The following LRRC4C variants were observed in gnomAD, a reference collection of about 807,000 sequenced individuals.
LRRC4C encodes the protein leucine-rich repeat-containing protein 4C.
LRRC4C carries 5 observed loss-of-function variants against 33.6 expected under a neutral mutation model. The observed-to-expected ratio is 0.15, with a 90% CI of 0.08 to 0.31. The LOEUF (loss-of-function observed/expected upper bound fraction) is 0.31, where lower values mean the gene tolerates loss of function less well. Ranked by LOEUF, LRRC4C falls within the 10% of genes least tolerant of loss-of-function variation. The pLI is 1.00. For synonymous variants in LRRC4C, 329 were observed against 302.0 expected (o/e 1.09, Z -0.93); for missense variants, 560 against 796.7 (o/e 0.70, Z 3.58).
At chr11:40,639,304 C>T (rs1033932541) in intron 3 of LRRC4C, among the ~76,000 whole-genome samples, 10 of 152,200 alleles carry the variant, frequency 6.6e-5, no homozygotes, top group African/African-American at 2.4e-4. Flanking sequence ...AGCCCCCTTG[C>T]ACTGGCCTGC....
intron 3 of LRRC4C, among the ~76,000 whole-genome samples, chr11:40,524,668 A>G (rs1189785114): frequency 6.6e-6 from 1 of 152,206 alleles, no homozygotes; most frequent in East Asian, 1.9e-4. Flanking sequence ...TCATTTCTGT[A>G]TCTTCATAAC....
chr11:40,946,253 C>T (rs1357179436), intron 1 of LRRC4C, among the ~76,000 whole-genome samples: 1 of 152,108 alleles, frequency 6.6e-6, no homozygotes, highest in African/African-American at 2.4e-5. Flanking sequence ...CACGTGGCTG[C>T]AAAGGACATA....
chr11:40,915,646 C>A (rs1956923347), intron 2 of LRRC4C, among the ~76,000 whole-genome samples: 1 of 152,196 alleles, frequency 6.6e-6, no homozygotes, highest in South Asian at 2.1e-4. Context: ...GCAAGGACTT[C>A]ATGTCTAAAA....
At chr11:41,176,823 G>A (rs1945219719) in intron 1 of LRRC4C, among the ~76,000 whole-genome samples, 1 of 152,100 alleles carries the variant, frequency 6.6e-6, no homozygotes, top group African/African-American at 2.4e-5. Context: ...AAATTAGCTG[G>A]GCTTGGCAGT....
intron 2 of LRRC4C, among the ~76,000 whole-genome samples, chr11:40,874,682 A>G (rs1954803075): frequency 6.6e-6 from 1 of 152,202 alleles, no homozygotes; most frequent in African/African-American, 2.4e-5. Context: ...ACTGTATATT[A>G]GACTCATATG....
At chr11:40,252,593 G>A (rs1866875197) in intron 4 of LRRC4C, among the ~76,000 whole-genome samples, 1 of 152,148 alleles carries the variant, frequency 6.6e-6, no homozygotes, top group East Asian at 1.9e-4. Flanking sequence ...CTTTCATTCA[G>A]GGTTTCTGTG....
chr11:41,413,219 A>AT (rs1457735676), intron 1 of LRRC4C, among the ~76,000 whole-genome samples: 3 of 152,000 alleles, frequency 2.0e-5, no homozygotes, highest in Non-Finnish European at 4.4e-5. Context: ...TTCTCAAAAG[A>AT]TTTTTTCTTC....
At chr11:41,084,774 G>A (rs936919515) in intron 1 of LRRC4C, among the ~76,000 whole-genome samples, 3 of 152,068 alleles carry the variant, frequency 2.0e-5, no homozygotes, top group Non-Finnish European at 4.4e-5. Flanking sequence ...GCTTGAACCC[G>A]GAAGGTGGAG....
chr11:40,673,736 C>G (rs1357247971), intron 2 of LRRC4C, among the ~76,000 whole-genome samples: 2 of 152,162 alleles, frequency 1.3e-5, no homozygotes, highest in Non-Finnish European at 2.9e-5. Context: ...CAGACACTGC[C>G]TGTTACTTCA....
chr11:40,271,154 T>C (rs150339991), intron 4 of LRRC4C, among the ~76,000 whole-genome samples: 9 of 152,266 alleles, frequency 5.9e-5, no homozygotes, highest in African/African-American at 9.6e-5. Flanking sequence ...ATATATTTAT[T>C]ACCTAAGAAA....
intron 3 of LRRC4C, among the ~76,000 whole-genome samples, chr11:40,512,030 C>G (rs1955341602): frequency 6.6e-6 from 1 of 152,068 alleles, no homozygotes; most frequent in South Asian, 2.1e-4. Context: ...ATGAGCCTGA[C>G]AGGTCCAGAA....
At chr11:40,996,664 G>A (rs1853995923) in intron 1 of LRRC4C, among the ~76,000 whole-genome samples, 1 of 152,122 alleles carries the variant, frequency 6.6e-6, no homozygotes, top group Non-Finnish European at 1.5e-5. Flanking sequence ...GTTCTGCAGA[G>A]TGTACAAGAA....
chr11:41,408,756 A>AAAAAAAAAAACAAAC (rs1555167141), intron 1 of LRRC4C, among the ~76,000 whole-genome samples: 14 of 140,740 alleles, frequency 9.9e-5, no homozygotes, highest in African/African-American at 4.5e-4. Flanking sequence ...GTAAAAAAAA[A>AAAAAAAAAAACAAAC]AAAAAAAAAA....
At chr11:41,191,891 C>T (rs1425496615) in intron 1 of LRRC4C, among the ~76,000 whole-genome samples, 1 of 152,144 alleles carries the variant, frequency 6.6e-6, no homozygotes, top group Non-Finnish European at 1.5e-5. Flanking sequence ...GCTATGGTAC[C>T]ACCTTGCTTT....
intron 4 of LRRC4C, among the ~76,000 whole-genome samples, chr11:40,250,612 C>T (rs911298648): frequency 2.6e-4 from 40 of 151,892 alleles, no homozygotes; most frequent in Admixed American, 1.9e-3. Context: ...TGGTGGCGGG[C>T]GCCTGTAACC....
At chr11:41,218,019 A>G (rs1947136408) in intron 1 of LRRC4C, among the ~76,000 whole-genome samples, 3 of 152,164 alleles carry the variant, frequency 2.0e-5, no homozygotes, top group Non-Finnish European at 4.4e-5. Flanking sequence ...TTCTCATCCA[A>G]ATAAAATGAG....
intron 1 of LRRC4C, among the ~76,000 whole-genome samples, chr11:41,288,365 T>C (rs1949894952): frequency 6.6e-6 from 1 of 152,122 alleles, no homozygotes; most frequent in African/African-American, 2.4e-5. Context: ...TGACTAGAAA[T>C]GTGTTTCTCA....
intron 5 of LRRC4C, among the ~76,000 whole-genome samples, chr11:40,238,585 A>T (rs1427747739): frequency 6.6e-6 from 1 of 152,228 alleles, no homozygotes; most frequent in Non-Finnish European, 1.5e-5. Flanking sequence ...CTTTATGACC[A>T]GCCAATACTC....
intron 1 of LRRC4C, among the ~76,000 whole-genome samples, chr11:41,218,508 G>A (rs1947160578): frequency 1.3e-5 from 2 of 152,088 alleles, no homozygotes; most frequent in African/African-American, 4.8e-5. Context: ...CTAAGGCAGG[G>A]CTTTTAATGT....
Sources: allele counts gnomAD v4.1 joint callset (sites outside exome capture counted in the v4.1 genomes callset), GRCh38; gene constraint gnomAD v4.1.1; transcripts MANE v1.5; gene names NCBI Gene and HGNC (gene_info 2026-07-23, HGNC 2026-07-21).